SGCZ: variants seen among roughly 807,000 people sequenced by gnomAD.
SGCZ encodes the protein zeta-sarcoglycan.
A neutral mutation model predicts 41.3 loss-of-function variants in SGCZ; 40 were observed. The ratio of observed to expected loss-of-function variants is 0.97; its 90% confidence interval spans 0.75 to 1.26. SGCZ has a LOEUF of 1.26. Among genes scored for constraint, SGCZ ranks in the 50% most tolerant of loss-of-function variants. The pLI is 0.00. For synonymous variants in SGCZ, 206 were observed against 137.5 expected, an observed-to-expected ratio of 1.50 and a Z score of -3.49; for missense variants, 552 against 369.8, an observed-to-expected ratio of 1.49 and a Z score of -4.04.
intron 4 of SGCZ, among the ~76,000 whole-genome samples, chr8:14,192,538 G>A (rs1198549132): frequency 1.3e-5 from 2 of 151,746 alleles, no homozygotes; most frequent in African/African-American, 4.8e-5. Context: ...TGAATACATT[G>A]CATATGATAT....
At chr8:14,936,290 A>G (rs1427561404) in intron 1 of SGCZ, among the ~76,000 whole-genome samples, 1 of 151,970 alleles carries the variant, frequency 6.6e-6, no homozygotes, top group Non-Finnish European at 1.5e-5. Flanking sequence ...AAATACCCTA[A>G]GTCTTAAAAT....
intron 1 of SGCZ, among the ~76,000 whole-genome samples, chr8:14,658,119 G>T (rs898501391): frequency 6.6e-6 from 1 of 152,158 alleles, no homozygotes; most frequent in African/African-American, 2.4e-5. Context: ...ACTCAGAGGT[G>T]CTCTTGCCCC....
intron 1 of SGCZ, among the ~76,000 whole-genome samples, chr8:14,930,238 AG>A (rs1367972047): frequency 6.6e-6 from 1 of 152,100 alleles, no homozygotes; most frequent in East Asian, 1.9e-4. Flanking sequence ...TATGAAAAAA[AG>A]CTCATCAGGA....
At chr8:14,258,597 G>A (rs531697690) in intron 3 of SGCZ, among the ~76,000 whole-genome samples, 1 of 152,040 alleles carries the variant, frequency 6.6e-6, no homozygotes, top group Admixed American at 6.6e-5. Context: ...AAATTATATT[G>A]AAAATTTATC....
At chr8:14,296,273 A>G (rs1801010197) in intron 3 of SGCZ, among the ~76,000 whole-genome samples, 1 of 152,146 alleles carries the variant, frequency 6.6e-6, no homozygotes, top group South Asian at 2.1e-4. Flanking sequence ...ATGGAAAACA[A>G]TAAAAACTAC....
chr8:15,209,723 T>G (rs551342487), intron 1 of SGCZ, among the ~76,000 whole-genome samples: 1 of 152,254 alleles, frequency 6.6e-6, no homozygotes, highest in Non-Finnish European at 1.5e-5. Flanking sequence ...AAGTTTGTCT[T>G]ATCGTTGACC....
chr8:14,629,508 G>A (rs964654795), intron 1 of SGCZ, among the ~76,000 whole-genome samples: 1 of 151,898 alleles, frequency 6.6e-6, no homozygotes, highest in Non-Finnish European at 1.5e-5. Flanking sequence ...GATTCTGTGA[G>A]GGATATAAAA....
chr8:15,185,304 A>T (rs1379174762), intron 1 of SGCZ, among the ~76,000 whole-genome samples: 1 of 152,240 alleles, frequency 6.6e-6, no homozygotes, highest in African/African-American at 2.4e-5. Flanking sequence ...CAAAGCTCTG[A>T]GGTTTCACTA....
chr8:14,562,719 C>T (rs1804242846), intron 1 of SGCZ, among the ~76,000 whole-genome samples: 1 of 151,814 alleles, frequency 6.6e-6, no homozygotes, highest in African/African-American at 2.4e-5. Context: ...AAAGAAAATC[C>T]AATAAATAGA....
chr8:14,619,249 C>T (rs1368593813), intron 1 of SGCZ, among the ~76,000 whole-genome samples: 2 of 152,072 alleles, frequency 1.3e-5, no homozygotes, highest in Non-Finnish European at 2.9e-5. Flanking sequence ...AACCTTCATG[C>T]TAAAAACTCT....
chr8:14,715,680 TA>T (rs1809665968), intron 1 of SGCZ, among the ~76,000 whole-genome samples: 1 of 152,060 alleles, frequency 6.6e-6, no homozygotes, highest in Admixed American at 6.6e-5. Flanking sequence ...TTTAATAACT[TA>T]AAAAAGCTCT....
chr8:15,060,961 G>C (rs1401702000), intron 1 of SGCZ, among the ~76,000 whole-genome samples: 1 of 152,126 alleles, frequency 6.6e-6, no homozygotes, highest in African/African-American at 2.4e-5. Context: ...AATTTGGGTA[G>C]AGTTTATACA....
intron 2 of SGCZ, among the ~76,000 whole-genome samples, chr8:14,520,114 A>G (rs1378308194): frequency 2.0e-5 from 3 of 152,154 alleles, no homozygotes; most frequent in Non-Finnish European, 2.9e-5. Context: ...CTTGATTTAT[A>G]ATACATCCTG....
intron 1 of SGCZ, among the ~76,000 whole-genome samples, chr8:14,681,122 C>T (rs1434234991): frequency 6.6e-6 from 1 of 151,972 alleles, no homozygotes; most frequent in Non-Finnish European, 1.5e-5. Context: ...AGGCCCACAA[C>T]AACTGTAAAT....
chr8:14,534,365 A>T (rs553474329), intron 2 of SGCZ, among the ~76,000 whole-genome samples: 155 of 152,142 alleles, frequency 1.0e-3, no homozygotes, highest in African/African-American at 3.6e-3. Context: ...CTTTTAATAC[A>T]TGAGAGGAAA....
chr8:14,354,970 A>G (rs1803242288), intron 2 of SGCZ, among the ~76,000 whole-genome samples: 1 of 151,994 alleles, frequency 6.6e-6, no homozygotes, highest in African/African-American at 2.4e-5. Context: ...TTAGTTCAAT[A>G]TTAATAAATA....
intron 2 of SGCZ, among the ~76,000 whole-genome samples, chr8:14,442,468 T>C (rs1042157518): frequency 3.9e-5 from 6 of 152,184 alleles, no homozygotes; most frequent in Non-Finnish European, 1.5e-5. Flanking sequence ...GTATCAGGTA[T>C]GTCTTTAATA....
At chr8:15,118,754 C>T (rs1457316102) in intron 1 of SGCZ, among the ~76,000 whole-genome samples, 1 of 152,034 alleles carries the variant, frequency 6.6e-6, no homozygotes, top group Non-Finnish European at 1.5e-5. Flanking sequence ...AAAAGGCACC[C>T]TAGGAACTTA....
chr8:14,908,201 T>C, intron 1 of SGCZ, among the ~76,000 whole-genome samples: 1 of 152,232 alleles, frequency 6.6e-6, no homozygotes. Flanking sequence ...TTAGGCATTA[T>C]GGCAAATTTC....
Sources: gnomAD v4.1 joint callset for allele counts (sites outside exome capture counted in the v4.1 genomes callset) on GRCh38, gnomAD v4.1.1 for gene constraint, MANE v1.5 for transcripts, NCBI Gene and HGNC (gene_info 2026-07-23, HGNC 2026-07-21) for gene names.